The following KIAA1217 variants were observed in gnomAD, a reference collection of about 807,000 sequenced individuals.
KIAA1217 encodes the protein KIAA1217.
A neutral mutation model predicts 163.9 loss-of-function variants in KIAA1217; 88 were observed. The ratio of observed to expected loss-of-function variants is 0.54; its 90% CI spans 0.45 to 0.64. KIAA1217 has a LOEUF of 0.64. Ranked by LOEUF, KIAA1217 falls within the 30% of genes least tolerant of loss-of-function variation. KIAA1217 has a pLI of 0.00. For missense variants in KIAA1217, 2,372 were observed against 2,475.0 expected, an observed-to-expected ratio of 0.96 and a Z score of 0.88; for synonymous variants, 903 against 923.1, an observed-to-expected ratio of 0.98 and a Z score of 0.39.
At chr10:24,309,681 C>A (rs2042459119) in intron 2 of KIAA1217, among the ~76,000 whole-genome samples, 1 of 152,140 alleles carries the variant, frequency 6.6e-6, no homozygotes, top group African/African-American at 2.4e-5. Context: ...GATCCTGAGC[C>A]AAATTAAGTA....
intron 2 of KIAA1217, among the ~76,000 whole-genome samples, chr10:24,146,226 T>C (rs2064304178): frequency 1.7e-5 from 2 of 119,684 alleles, no homozygotes; most frequent in Admixed American, 1.6e-4. Context: ...CCCTGCATGC[T>C]TTTCTTTGTA....
chr10:24,272,785 G>GT (rs1210411632), intron 2 of KIAA1217, among the ~76,000 whole-genome samples: 3 of 152,256 alleles, frequency 2.0e-5, no homozygotes, highest in African/African-American at 4.8e-5. Context: ...ATATTCAAGG[G>GT]TTTTTTTCCC....
intron 2 of KIAA1217, among the ~76,000 whole-genome samples, chr10:24,316,491 T>C (rs1336980080): frequency 6.6e-6 from 1 of 152,214 alleles, no homozygotes; most frequent in Non-Finnish European, 1.5e-5. Flanking sequence ...TGAATGCCCC[T>C]GAACCTATTT....
At chr10:24,262,523 A>T (rs1255951222) in intron 2 of KIAA1217, among the ~76,000 whole-genome samples, 1 of 151,684 alleles carries the variant, frequency 6.6e-6, no homozygotes, top group Non-Finnish European at 1.5e-5. Flanking sequence ...GCTTTTCGGG[A>T]GGCTGAAGCA....
At chr10:24,269,942 C>T (rs1285768249) in intron 2 of KIAA1217, among the ~76,000 whole-genome samples, 1 of 152,162 alleles carries the variant, frequency 6.6e-6, no homozygotes, top group Non-Finnish European at 1.5e-5. Context: ...CCTCTAGTCT[C>T]TTCCCACTAC....
chr10:23,940,703 G>A (rs1292494395), intron 1 of KIAA1217, among the ~76,000 whole-genome samples: 1 of 152,088 alleles, frequency 6.6e-6, no homozygotes, highest in African/African-American at 2.4e-5. Flanking sequence ...GACAGAACAA[G>A]TCTCAGCAAA....
intron 1 of KIAA1217, among the ~76,000 whole-genome samples, chr10:23,955,776 A>G (rs1844533701): frequency 6.6e-6 from 1 of 152,232 alleles, no homozygotes; most frequent in East Asian, 1.9e-4. Context: ...TAAATTGATT[A>G]GCCATTATTT....
At chr10:24,255,256 C>T (rs747164424) in intron 2 of KIAA1217, 3 of 275,762 alleles carry the variant, frequency 1.1e-5, no homozygotes, top group Admixed American at 5.1e-5. Flanking sequence ...TGTCCACATC[C>T]GGATTTACCT....
At chr10:24,316,706 C>T (rs536865176) in intron 2 of KIAA1217, among the ~76,000 whole-genome samples, 2 of 151,950 alleles carry the variant, frequency 1.3e-5, no homozygotes, top group East Asian at 3.9e-4. Flanking sequence ...CCATTTCTGT[C>T]CTCTGTCCTT....
chr10:24,006,178 T>C (rs932687529), intron 1 of KIAA1217, among the ~76,000 whole-genome samples: 3 of 152,176 alleles, frequency 2.0e-5, no homozygotes, highest in African/African-American at 7.2e-5. Flanking sequence ...ATTTTAAAAG[T>C]ATAATAGCAT....
chr10:24,173,477 T>C (rs2065727426), intron 2 of KIAA1217, among the ~76,000 whole-genome samples: 1 of 152,104 alleles, frequency 6.6e-6, no homozygotes, highest in Non-Finnish European at 1.5e-5. Context: ...TGTGTAAAAA[T>C]TGTCTCCCAT....
chr10:23,828,668 C>T (rs975375480), intron 1 of KIAA1217, among the ~76,000 whole-genome samples: 2 of 152,132 alleles, frequency 1.3e-5, no homozygotes, highest in African/African-American at 4.8e-5. Flanking sequence ...TTTACATTTG[C>T]TTCTTGTTAC....
intron 5 of KIAA1217, among the ~76,000 whole-genome samples, chr10:24,457,551 A>C (rs1299730807): frequency 2.6e-5 from 4 of 152,062 alleles, no homozygotes; most frequent in African/African-American, 9.7e-5. Context: ...ATGCACCACC[A>C]TGCCTGGCTA....
intron 2 of KIAA1217, among the ~76,000 whole-genome samples, chr10:24,251,118 C>T (rs1343075290): frequency 3.3e-5 from 5 of 152,024 alleles, no homozygotes; most frequent in Middle Eastern, 3.4e-3. Context: ...CCTAGCTACT[C>T]AGGAGGCTGA....
At chr10:24,434,025 C>CTTT (rs569791889) in intron 4 of KIAA1217, among the ~76,000 whole-genome samples, 42 of 72,632 alleles carry the variant, frequency 5.8e-4, no homozygotes, top group Non-Finnish European at 7.7e-4. Flanking sequence ...CTCTCTCTCT[C>CTTT]TTTTTTTTTT....
intron 2 of KIAA1217, among the ~76,000 whole-genome samples, chr10:24,361,436 C>T (rs2049985856): frequency 6.6e-6 from 1 of 152,170 alleles, no homozygotes; most frequent in African/African-American, 2.4e-5. Flanking sequence ...GATCTTCCCA[C>T]CTTGGCCTCC....
intron 5 of KIAA1217, among the ~76,000 whole-genome samples, chr10:24,446,201 A>G (rs1459222347): frequency 2.0e-5 from 3 of 152,176 alleles, no homozygotes; most frequent in South Asian, 2.1e-4. Flanking sequence ...GTCTGTTCAT[A>G]TCCTTCACCC....
intron 10 of KIAA1217, among the ~76,000 whole-genome samples, chr10:24,514,746 T>C (rs1382918539): frequency 6.6e-6 from 1 of 152,102 alleles, no homozygotes; most frequent in Non-Finnish European, 1.5e-5. Flanking sequence ...TCCCAGCACT[T>C]TGGGAGGCCG....
At chr10:23,731,249 T>A (rs890192942) in intron 1 of KIAA1217, among the ~76,000 whole-genome samples, 2 of 152,134 alleles carry the variant, frequency 1.3e-5, no homozygotes, top group African/African-American at 4.8e-5. Flanking sequence ...TAAATATACA[T>A]ACTCAATAAG....
Sources: allele counts gnomAD v4.1 joint callset (sites outside exome capture counted in the v4.1 genomes callset), GRCh38; gene constraint gnomAD v4.1.1; transcripts MANE v1.5; gene names NCBI Gene and HGNC (gene_info 2026-07-23, HGNC 2026-07-21).